NCAM2: variants seen among roughly 807,000 people sequenced by gnomAD.
NCAM2 encodes neural cell adhesion molecule 2.
In NCAM2, 30 loss-of-function variants were observed where a neutral mutation model predicts 98.1. The observed-to-expected ratio is 0.31, with a 90% CI of 0.23 to 0.41. The LOEUF is 0.41. Ranked by LOEUF, NCAM2 falls within the 10% of genes least tolerant of loss-of-function variation. The pLI is 1.00. For synonymous variants in NCAM2, 368 were observed against 342.4 expected, an observed-to-expected ratio of 1.07 and a Z score of -0.83; for missense variants, 867 against 1,005.8, an observed-to-expected ratio of 0.86 and a Z score of 1.87.
At chr21:21,416,957 A>T (rs111652141) in intron 10 of NCAM2, among the ~76,000 whole-genome samples, 5 of 152,140 alleles carry the variant, frequency 3.3e-5, no homozygotes, top group African/African-American at 1.2e-4. Flanking sequence ...TTAAGCATAC[A>T]ACATGATAAA....
At chr21:21,355,483 AGGAG>A (rs1370049122) in intron 8 of NCAM2, among the ~76,000 whole-genome samples, 7 of 60,492 alleles carry the variant, frequency 1.2e-4, no homozygotes, top group Non-Finnish European at 1.8e-4. Context: ...AAAAAAAAAA[AGGAG>A]AGAAAGAAAG....
intron 16 of NCAM2, among the ~76,000 whole-genome samples, chr21:21,513,007 A>T (rs979188156): frequency 6.6e-6 from 1 of 152,094 alleles, no homozygotes; most frequent in African/African-American, 2.4e-5. Flanking sequence ...CATTTTCTAA[A>T]TATAAGATCT....
At chr21:21,275,143 T>G (rs530844464) in intron 1 of NCAM2, among the ~76,000 whole-genome samples, 1 of 152,182 alleles carries the variant, frequency 6.6e-6, no homozygotes, top group Admixed American at 6.5e-5. Context: ...AATCTTTATT[T>G]AAAAAGATAA....
chr21:21,134,080 TTC>T (rs1491513443), intron 1 of NCAM2, among the ~76,000 whole-genome samples: 1 of 128,360 alleles, frequency 7.8e-6, no homozygotes, highest in East Asian at 2.2e-4. Context: ...TTTTTTTTTT[TTC>T]CCCTGAGATG....
At chr21:21,248,342 T>A (rs949316678) in intron 1 of NCAM2, among the ~76,000 whole-genome samples, 2 of 152,198 alleles carry the variant, frequency 1.3e-5, no homozygotes, top group Non-Finnish European at 2.9e-5. Context: ...TCCCTCATCA[T>A]TTAAATAATT....
In NCAM2 at chr21:21,220,974, A is replaced by G. The variant is rs898172731; in HGVS notation, c.56-59604A>G. On this transcript the variant is annotated intron_variant, in intron 1 of 17. Coordinates refer to ENST00000400546, the MANE Select transcript of NCAM2 (RefSeq NM_004540.5). ...TGCCTTGAGTAAGTCTGTCAGTGCT[A>G]TTTTTCCAGGAGCGTGTACTCACCT... 3.9e-5 allele frequency among the ~76,000 whole-genome samples: 6 copies of G among 152,044 alleles called. No individual in the cohort carries two copies. In the East Asian group the frequency reaches 9.7e-4, roughly 25 times the overall value.
At chr21:21,423,084 TA>T (rs2077144575) in intron 11 of NCAM2, among the ~76,000 whole-genome samples, 1 of 152,120 alleles carries the variant, frequency 6.6e-6, no homozygotes, top group African/African-American at 2.4e-5. Flanking sequence ...ATCATTGTTA[TA>T]TTTTTAACTG....
intron 1 of NCAM2, among the ~76,000 whole-genome samples, chr21:21,270,660 T>A (rs1475054553): frequency 5.3e-5 from 8 of 152,196 alleles, no homozygotes; most frequent in Non-Finnish European, 1.0e-4. Context: ...ATCATTTCCC[T>A]CCATTTTCAA....
chr21:21,340,205 C>G (rs1237159852), intron 8 of NCAM2, among the ~76,000 whole-genome samples: 1 of 151,574 alleles, frequency 6.6e-6, no homozygotes, highest in African/African-American at 2.4e-5. Context: ...TTTATCATAC[C>G]TTCATATTTC....
At chr21:21,470,760 G>T (rs958437891) in intron 14 of NCAM2, among the ~76,000 whole-genome samples, 3 of 151,772 alleles carry the variant, frequency 2.0e-5, no homozygotes, top group Non-Finnish European at 4.4e-5. Flanking sequence ...ATGATTGATT[G>T]TATTAATTCA....
chr21:21,078,524 A>G (rs931826056), intron 1 of NCAM2, among the ~76,000 whole-genome samples: 1 of 152,218 alleles, frequency 6.6e-6, no homozygotes, highest in Non-Finnish European at 1.5e-5. Context: ...ATTGTTAAAA[A>G]GTCAAGAAAC....
chr21:21,206,155 A>G (rs1416173307), intron 1 of NCAM2, among the ~76,000 whole-genome samples: 1 of 152,152 alleles, frequency 6.6e-6, no homozygotes, highest in Non-Finnish European at 1.5e-5. Flanking sequence ...GAGTATTCAG[A>G]GTAGCGTGTG....
chr21:21,451,498 A>C (rs1033671769), intron 12 of NCAM2, among the ~76,000 whole-genome samples: 10 of 152,142 alleles, frequency 6.6e-5, no homozygotes, highest in African/African-American at 2.4e-4. Flanking sequence ...AATTTATTTT[A>C]TTCTAAGTGC....
intron 1 of NCAM2, among the ~76,000 whole-genome samples, chr21:21,097,168 G>T (rs1218414243): frequency 6.6e-6 from 1 of 151,712 alleles, no homozygotes; most frequent in Non-Finnish European, 1.5e-5. Flanking sequence ...CCTTCTGCAC[G>T]TGAATTGAAT....
chr21:21,408,400 A>G (rs896248675), intron 9 of NCAM2, among the ~76,000 whole-genome samples: 1 of 152,224 alleles, frequency 6.6e-6, no homozygotes, highest in Admixed American at 6.5e-5. Context: ...TGTTATTAAA[A>G]TAATAGTGCA....
At chr21:21,375,337 GA>G (rs982351575) in intron 9 of NCAM2, among the ~76,000 whole-genome samples, 4 of 147,094 alleles carry the variant, frequency 2.7e-5, no homozygotes, top group East Asian at 4.0e-4. Flanking sequence ...GTAACTAAAA[GA>G]AAAAAAAAGA....
intron 15 of NCAM2, among the ~76,000 whole-genome samples, chr21:21,483,165 A>G (rs1986045182): frequency 6.6e-6 from 1 of 152,038 alleles, no homozygotes; most frequent in Non-Finnish European, 1.5e-5. Flanking sequence ...TATTTAACCA[A>G]AAAAGACGTT....
In NCAM2 at chr21:21,250,295, A is replaced by G. The variant is rs547459214; in HGVS notation, c.56-30283A>G. ...CAAGCACTATGGTCCTTCTCAACTC[A>G]TGCTCTCTAGGGAGGTGCGTACTTT... On this transcript the variant is annotated intron_variant, in intron 1 of 17. Coordinates refer to ENST00000400546, the MANE Select transcript of NCAM2 (RefSeq NM_004540.5). Among the ~76,000 whole-genome samples, 28 of 152,312 alleles carry G rather than the reference A, an allele frequency of 1.8e-4. No homozygotes were observed. The South Asian group carries it at 3.3e-3, about 18-fold the overall frequency.
At chr21:21,023,661 A>G (rs144791373) in intron 1 of NCAM2, among the ~76,000 whole-genome samples, 12 of 152,144 alleles carry the variant, frequency 7.9e-5, no homozygotes, top group Admixed American at 3.3e-4. Flanking sequence ...TAATAGTATT[A>G]TTTTAAATTA....
Sources: gnomAD v4.1 joint callset for allele counts (sites outside exome capture counted in the v4.1 genomes callset) on GRCh38, gnomAD v4.1.1 for gene constraint, MANE v1.5 for transcripts, NCBI Gene and HGNC (gene_info 2026-07-23, HGNC 2026-07-21) for gene names.